The following MTUS1 variants were observed in gnomAD, a reference collection of about 807,000 sequenced individuals.
MTUS1 encodes microtubule associated scaffold protein 1.
A neutral mutation model predicts 120.8 loss-of-function variants in MTUS1; 109 were observed. The observed-to-expected ratio is 0.90, with a 90% confidence interval of 0.77 to 1.06. The LOEUF (loss-of-function observed/expected upper bound fraction) is 1.06. Ranked by LOEUF, MTUS1 falls within the 50% of genes least tolerant of loss-of-function variation. The probability of loss-of-function intolerance (pLI) is 0.00; values close to 1 mark genes in which losing one functional copy is unlikely to be tolerated. For missense variants in MTUS1, 2,210 were observed against 1,486.3 expected, an observed-to-expected ratio of 1.49 and a Z score of -8.01; for synonymous variants, 737 against 550.5, an observed-to-expected ratio of 1.34 and a Z score of -4.74.
At chr8:17,681,200 C>T (rs1456970053) in intron 7 of MTUS1, among the ~76,000 whole-genome samples, 1 of 152,182 alleles carries the variant, frequency 6.6e-6, no homozygotes, top group African/African-American at 2.4e-5. Context: ...TCCCCAAGTG[C>T]TGGGATTACA....
intron 1 of MTUS1, among the ~76,000 whole-genome samples, chr8:17,769,386 C>T (rs1194251509): frequency 6.9e-6 from 1 of 145,128 alleles, no homozygotes; most frequent in Non-Finnish European, 1.5e-5. Context: ...CTCGCTCTGT[C>T]GCCCAGGCTG....
At chr8:17,781,949 G>A (rs889444795) in intron 1 of MTUS1, among the ~76,000 whole-genome samples, 10 of 152,196 alleles carry the variant, frequency 6.6e-5, no homozygotes, top group African/African-American at 2.4e-4. Flanking sequence ...TGCTAACACA[G>A]CAAGTCTCAG....
At chr8:17,723,568 T>A (rs1270264963) in intron 4 of MTUS1, 104 bp downstream of exon 4, 3 of 1,287,352 alleles carry the variant, frequency 2.3e-6, no homozygotes, top group Non-Finnish European at 3.4e-6. Flanking sequence ...TGCCTATTTT[T>A]CCTGAAACCC....
intron 8 of MTUS1, among the ~76,000 whole-genome samples, chr8:17,662,844 GAA>G (rs10616236): frequency 0.62 from 88,082 of 141,202 alleles, 27,810 homozygotes; most frequent in Middle Eastern, 0.8. Flanking sequence ...AGGAAAAAGA[GAA>G]AAAAAAAAAA....
At chr8:17,745,542 C>A (rs1450543298) in intron 2 of MTUS1, among the ~76,000 whole-genome samples, 1 of 152,164 alleles carries the variant, frequency 6.6e-6, no homozygotes, top group African/African-American at 2.4e-5. Flanking sequence ...ATTCAATTTT[C>A]ATTTTTACTA....
intron 6 of MTUS1, among the ~76,000 whole-genome samples, chr8:17,700,434 C>T (rs1192936653): frequency 8.7e-6 from 1 of 114,982 alleles, no homozygotes; most frequent in Non-Finnish European, 1.7e-5. Context: ...TGTGCCATTG[C>T]ACTCCAGCCT....
chr8:17,707,004 A>G lies in MTUS1; in HGVS notation c.2623+6210T>C, dbSNP rs184242627. On this transcript the variant is annotated intron_variant, in intron 6 of 14. Coordinates refer to ENST00000693296, the MANE Select transcript of MTUS1 (RefSeq NM_001363059.2). ...GAACTAAGGAATATGAAGTTGGTCA[A>G]CTCAACTGTAATCTCCACCACTACT... 1.3e-3 allele frequency among the ~76,000 whole-genome samples: 194 copies of G among 152,346 alleles called. 1 individual carries two copies. The highest frequency in any genetic ancestry group is 4.6e-3 in the African/African-American group (190 of 41,580).
intron 3 of MTUS1, among the ~76,000 whole-genome samples, chr8:17,738,241 CTT>C (rs1311506975): frequency 6.6e-6 from 1 of 152,192 alleles, no homozygotes; most frequent in Admixed American, 6.5e-5. Context: ...CTCATGGGGC[CTT>C]TTCCCCACCC....
Position 17,769,492 on chromosome 8 carries a change from C to T in MTUS1, c.-154-13531G>A, listed in dbSNP as rs1046995205. The stretch of plus-strand genomic sequence containing the variant: ...CCTCCCCAGTAGCTGGGACTACAGG[C>T]GCCCGCCACCACGCCCAGATAATTT... On this transcript the variant is annotated intron_variant, in intron 1 of 14. Coordinates refer to ENST00000693296, the MANE Select transcript of MTUS1 (RefSeq NM_001363059.2). Among the ~76,000 whole-genome samples the T allele has an allele frequency of 1.0e-3, 151 of 150,954 alleles. 3 individuals are homozygous for T. Among genetic ancestry groups the T allele is most frequent in the Middle Eastern group, 3.4e-3 (1 of 292 alleles).
intron 8 of MTUS1, among the ~76,000 whole-genome samples, chr8:17,657,055 T>C (rs1195259342): frequency 3.1e-5 from 3 of 97,436 alleles, no homozygotes; most frequent in Non-Finnish European, 5.5e-5. Context: ...TGAGATTCTG[T>C]CTCAAAAAAA....
At chr8:17,766,698 G>C (rs939314361) in intron 1 of MTUS1, among the ~76,000 whole-genome samples, 9 of 152,128 alleles carry the variant, frequency 5.9e-5, no homozygotes, top group African/African-American at 2.2e-4. Flanking sequence ...AGAATGTACA[G>C]CCAACCCCTC....
At position 17,655,868 on chromosome 8, in the gene MTUS1, C is replaced by G. The variant is rs775975949; in HGVS notation, c.3103G>C (p.Glu1035Gln). ...CTGGCTGCAAAAGCACAGACCTGCT[C>G]TTGCAATTGCATTTTGTACTTCTCT... is the stretch of plus-strand genomic sequence containing the variant. ...EAEKYKMQLQ[E>Q]QFDNLNAAHE... The change falls in exon 9 of 15, where the codon GAG becomes CAG. Residue 1035 changes from glutamate (E) to glutamine (Q), a missense_variant. Glu to Gln is a conservative substitution (Grantham distance 29). Coordinates refer to ENST00000693296, the MANE Select transcript of MTUS1 (RefSeq NM_001363059.2). The G allele has an allele frequency of 7.4e-6, 12 of 1,614,028 alleles. No homozygotes were observed. The highest frequency in any genetic ancestry group is 5.0e-5 in the Admixed American group (3 of 60,008).
chr8:17,659,427 T>G (rs190833008), intron 8 of MTUS1, among the ~76,000 whole-genome samples: 32 of 152,330 alleles, frequency 2.1e-4, no homozygotes, highest in African/African-American at 7.2e-4. Flanking sequence ...CTGGGCACAG[T>G]GGCTCACGCC....
intron 1 of MTUS1, among the ~76,000 whole-genome samples, chr8:17,785,858 C>G (rs1435003759): frequency 6.6e-6 from 1 of 152,140 alleles, no homozygotes; most frequent in African/African-American, 2.4e-5. Flanking sequence ...TCAGCAAAGG[C>G]CTAAGGCCAG....
chr8:17,769,640 G>T (rs919402592), intron 1 of MTUS1, among the ~76,000 whole-genome samples: 1 of 151,934 alleles, frequency 6.6e-6, no homozygotes, highest in African/African-American at 2.4e-5. Context: ...AGCCACCCGC[G>T]CCCGGCCCTT....
intron 1 of MTUS1, among the ~76,000 whole-genome samples, chr8:17,795,242 A>C (rs1456247794): frequency 1.3e-5 from 2 of 152,202 alleles, no homozygotes; most frequent in Non-Finnish European, 2.9e-5. Context: ...TCTTCTTCCT[A>C]GTCTCCTGAT....
chr8:17,730,434 G>C (rs539252980), intron 3 of MTUS1, among the ~76,000 whole-genome samples: 5 of 148,860 alleles, frequency 3.4e-5, no homozygotes, highest in Non-Finnish European at 7.4e-5. Context: ...ACAGTGAGCT[G>C]AGATCATGCC....
chr8:17,727,140 G>C (rs113008395), intron 3 of MTUS1, among the ~76,000 whole-genome samples: 1 of 152,124 alleles, frequency 6.6e-6, no homozygotes, highest in African/African-American at 2.4e-5. Context: ...CCTCACCAAA[G>C]TCTTCCCAAT....
At chr8:17,750,357 A>C (rs2048095628) in intron 2 of MTUS1, among the ~76,000 whole-genome samples, 1 of 152,214 alleles carries the variant, frequency 6.6e-6, no homozygotes, top group Non-Finnish European at 1.5e-5. Context: ...CCCAGAGAAA[A>C]ATCTTCTTTT....
Sources: gnomAD v4.1 joint callset for allele counts (sites outside exome capture counted in the v4.1 genomes callset) on GRCh38, gnomAD v4.1.1 for gene constraint, MANE v1.5 for transcripts, NCBI Gene and HGNC (gene_info 2026-07-23, HGNC 2026-07-21) for gene names.